Variants in GATD1 observed in about 807,000 individuals in gnomAD.
The protein encoded by GATD1 is glutamine amidotransferase class 1 domain containing 1.
In GATD1, 23 loss-of-function variants were observed where a neutral mutation model predicts 25.9. The ratio of observed to expected loss-of-function variants is 0.89; its 90% confidence interval spans 0.64 to 1.26. The LOEUF is 1.26. GATD1 is among the 50% of genes most tolerant of loss of function. The pLI is 0.00. For missense variants in GATD1, 347 were observed against 312.5 expected, an observed-to-expected ratio of 1.11 and a Z score of -0.83; for synonymous variants, 177 against 134.6, an observed-to-expected ratio of 1.31 and a Z score of -2.18.
At chr11:771,985 C>T (rs980404609) in intron 5 of GATD1, among the ~76,000 whole-genome samples, 19 of 152,154 alleles carry the variant, frequency 1.2e-4, no homozygotes, top group African/African-American at 4.3e-4. Context: ...GCCACTCCCA[C>T]AGCCGCCCCC....
At chr11:774,704 C>T (rs932163212) in intron 2 of GATD1, among the ~76,000 whole-genome samples, 3 of 152,208 alleles carry the variant, frequency 2.0e-5, no homozygotes, top group African/African-American at 7.2e-5. Context: ...GTGGCGCATG[C>T]CTGTAATCCC....
intron 4 of GATD1, 77 bp from the exon 5 acceptor site, chr11:772,598 G>T: frequency 1.5e-6 from 2 of 1,375,828 alleles, no homozygotes; most frequent in Non-Finnish European, 2.0e-6. Context: ...GCCCCTGCTT[G>T]TGGCTCCCCC....
chr11:767,819 T>A lies in GATD1; in HGVS notation c.*3078A>T. 1 of 173,618 alleles carries A rather than the reference T, an allele frequency of 5.8e-6. No homozygotes were observed. Among genetic ancestry groups the A allele is most frequent in the Non-Finnish European group, 1.2e-5 (1 of 84,024 alleles). 10.8% of individuals were successfully genotyped at this position (173,618 alleles called of 1,614,324 possible). On this transcript the variant is annotated 3_prime_UTR_variant, in exon 8 of 8. Transcript: ENST00000319863. ...AGCCTCCAAAACTGAAACTGATTTC[T>A]GTTGTTTATAAGCCACTAGGTTTAC...
chr11:772,679 T>A, intron 4 of GATD1, 158 bp from the exon 5 acceptor site: 1 of 653,936 alleles, frequency 1.5e-6, no homozygotes, highest in Non-Finnish European at 2.7e-6. Context: ...CCGGGTGTCC[T>A]GGCTCAGCCC....
intron 2 of GATD1, 73 bp downstream of exon 2, chr11:774,993 T>G (rs1476148186): frequency 7.9e-6 from 11 of 1,387,324 alleles, no homozygotes; most frequent in Middle Eastern, 2.0e-4. Flanking sequence ...GCGGCGGCAG[T>G]CTCCTGACCT....
chr11:771,000 C>G lies in GATD1; in HGVS notation c.649G>C (p.Gly217Arg), dbSNP rs997287763. Residue 217 changes from glycine to arginine, a missense_variant, in exon 7 of 8, where the codon GGC (glycine) becomes CGC (arginine). Coordinates refer to ENST00000319863, the MANE Select transcript of GATD1 (RefSeq NM_182612.4). ...CCACCCTGGTGCCCTCACCGGCTGC[C>G]ACAGAGGAAGAGCAGGTTCTGCACG... ...PAVQNLLFLC[G>R]SRK 1 of 1,613,324 alleles carries G rather than the reference C, an allele frequency of 6.2e-7. No homozygotes were observed. The highest frequency in any genetic ancestry group is 1.3e-5 in the African/African-American group (1 of 74,940).
chr11:773,441 A>G (rs1863643073), intron 4 of GATD1, 81 bp downstream of exon 4: 1 of 1,191,150 alleles, frequency 8.4e-7, no homozygotes, highest in South Asian at 1.3e-5. Context: ...GAGTCTTCCC[A>G]CCTCTCTTCT....
In GATD1 at chr11:777,436, C is replaced by T. The variant is rs1339643064; in HGVS notation, c.27G>A (p.Arg9=). 22 of 1,269,072 alleles carry T rather than the reference C, an allele frequency of 1.7e-5. No homozygotes were observed. Among genetic ancestry groups the T allele is most frequent in the Admixed American group, 4.1e-5 (1 of 24,572 alleles). The allele number at this position is 1,269,072 out of a possible 1,614,324, so 78.6% of individuals were successfully genotyped here. MASERLPN[R]PACLLVASGA... is the part of the protein sequence containing the mutation. Reference sequence around the variant, plus strand: ...CGCTGGCCACGAGCAGACAGGCGGGCCTGTTAGGGAGCCGCTCGGACGCCA... The same window carrying T: ...CGCTGGCCACGAGCAGACAGGCGGGTCTGTTAGGGAGCCGCTCGGACGCCA... Residue 9 remains arginine (R), a synonymous_variant, in exon 1 of 8, where the codon AGG becomes AGA. Transcript: ENST00000319863.
intron 1 of GATD1, 112 bp downstream of exon 1, chr11:777,287 G>A: frequency 1.2e-6 from 1 of 845,192 alleles, no homozygotes; most frequent in Non-Finnish European, 1.5e-6. Context: ...GCCCCCAGCG[G>A]CCTCGGCCTC....
In GATD1 at chr11:767,766, T is replaced by G; in HGVS notation, c.*3131A>C. On this transcript the variant is annotated 3_prime_UTR_variant, in exon 8 of 8. Transcript: ENST00000319863. Reference sequence around the variant, plus strand: ...CATCACCCTCACAAAAGAGGTTGCATCTACTGGTGCTTTCATCTTGGGCTT... The same window carrying G: ...CATCACCCTCACAAAAGAGGTTGCAGCTACTGGTGCTTTCATCTTGGGCTT... 3.1e-6 allele frequency: 1 copy of G among 320,860 alleles called. No homozygotes were observed. Among genetic ancestry groups the G allele is most frequent in the East Asian group, 1.2e-4 (1 of 8,036 alleles). 19.9% of individuals were successfully genotyped at this position (320,860 alleles called of 1,614,324 possible).
chr11:771,301 C>T (rs1328226795), intron 6 of GATD1, 32 bp downstream of exon 6: 2 of 1,602,574 alleles, frequency 1.2e-6, no homozygotes, highest in Non-Finnish European at 1.7e-6. Flanking sequence ...ACCCCATCTT[C>T]TGTAAGTGCA....
chr11:775,254 G>T, intron 1 of GATD1, 112 bp from the exon 2 acceptor site: 2 of 842,936 alleles, frequency 2.4e-6, no homozygotes, highest in Non-Finnish European at 3.7e-6. Flanking sequence ...CTGAGGAGCA[G>T]CCCTCTCCCC....
At chr11:771,243 C>A (rs1863411934) in intron 6 of GATD1, 90 bp downstream of exon 6, 1 of 1,552,402 alleles carries the variant, frequency 6.4e-7, no homozygotes, top group Non-Finnish European at 8.7e-7. Context: ...TCTATAGAAC[C>A]CAGGGCCCAG....
intron 3 of GATD1, among the ~76,000 whole-genome samples, 157 bp from the exon 4 acceptor site, chr11:773,786 G>T (rs958320711): frequency 9.9e-5 from 15 of 152,130 alleles, no homozygotes; most frequent in African/African-American, 3.1e-4. Flanking sequence ...CAGCTCCCAA[G>T]GGCCCCCCTG....
Position 768,663 on chromosome 11 carries a change from T to A in GATD1, c.*2234A>T, listed in dbSNP as rs1268877296. The A allele has an allele frequency of 2.0e-5, 3 of 150,102 alleles. No individual in the cohort carries two copies. The highest frequency in any genetic ancestry group is 4.2e-4 in the South Asian group (2 of 4,730). The allele number at this position is 150,102 out of a possible 1,614,324, so 9.3% of individuals were successfully genotyped here. A position where few individuals can be genotyped will look rare whatever the true frequency, so the allele number is the denominator to read the frequency against. On this transcript the variant is annotated 3_prime_UTR_variant, in exon 8 of 8. Coordinates refer to ENST00000319863, the MANE Select transcript of GATD1 (RefSeq NM_182612.4). The stretch of plus-strand genomic sequence containing the variant: ...GTGAGACTCCATCCAAAAAATAAAA[T>A]AAAAATAAAAAAGTACTTGTTAGCC...
Position 767,485 on chromosome 11 carries a change from T to A in GATD1, c.*3412A>T. 6 of 1,437,752 alleles carry A rather than the reference T, an allele frequency of 4.2e-6. No individual in the cohort carries two copies. The highest frequency in any genetic ancestry group is 1.4e-5 in the African/African-American group (1 of 69,888). The allele number at this position is 1,437,752 out of a possible 1,614,324, so 89.1% of individuals were successfully genotyped here. Reference sequence around the variant, plus strand: ...GGCAGCTCACGCGGAGACAGGTCTGTGGGGCCCCGCGTCAGAACCCACTTC... The same window carrying A: ...GGCAGCTCACGCGGAGACAGGTCTGAGGGGCCCCGCGTCAGAACCCACTTC... On this transcript the variant is annotated 3_prime_UTR_variant, in exon 8 of 8. Coordinates refer to ENST00000319863, the MANE Select transcript of GATD1 (RefSeq NM_182612.4).
chr11:770,086 G>A lies in GATD1; in HGVS notation c.*811C>T. 4.1e-6 allele frequency: 5 copies of A among 1,205,400 alleles called. No individual in the cohort carries two copies. The South Asian group carries it at 2.1e-4, about 50-fold the overall frequency. The allele number at this position is 1,205,400 out of a possible 1,614,324, so 74.7% of individuals were successfully genotyped here. Reference sequence around the variant, plus strand: ...GAAGTAGAGGGCCTAAGCCTCTCCTGGACGCCCTAACCTGGGGCCAGGGGG... The same window carrying A: ...GAAGTAGAGGGCCTAAGCCTCTCCTAGACGCCCTAACCTGGGGCCAGGGGG... On this transcript the variant is annotated 3_prime_UTR_variant, in exon 8 of 8. Transcript: ENST00000319863.
Position 769,276 on chromosome 11 carries a change from CCTT to C in GATD1, c.*1618_*1620del, listed in dbSNP as rs1299584960. The C allele has an allele frequency of 4.1e-6, 4 of 985,234 alleles. No individual in the cohort carries two copies. The highest frequency in any genetic ancestry group is 4.8e-6 in the Non-Finnish European group (4 of 829,938). The allele number at this position is 985,234 out of a possible 1,614,324, so 61.0% of individuals were successfully genotyped here. On this transcript the variant is annotated 3_prime_UTR_variant, in exon 8 of 8. Coordinates refer to ENST00000319863, the MANE Select transcript of GATD1 (RefSeq NM_182612.4). ...GGGCGGGGATGTGGCTGCAGCGCTTCCTTCTTCCACTTTTTTCCAAATTCTCCT... is the reference window on the plus strand; with the variant it reads ...GGGCGGGGATGTGGCTGCAGCGCTTCCTTCCACTTTTTTCCAAATTCTCCT...
intron 1 of GATD1, among the ~76,000 whole-genome samples, chr11:776,011 T>C (rs1863936832): frequency 9.0e-6 from 1 of 110,760 alleles, no homozygotes; most frequent in Admixed American, 1.3e-4. Flanking sequence ...TGAGACGGAG[T>C]CTCGGTCTGT....
Sources: gnomAD v4.1 joint callset for allele counts (sites outside exome capture counted in the v4.1 genomes callset) on GRCh38, gnomAD v4.1.1 for gene constraint, MANE v1.5 for transcripts, NCBI Gene and HGNC (gene_info 2026-07-23, HGNC 2026-07-21) for gene names.